The following AHRR variants were observed in gnomAD, a reference collection of about 807,000 sequenced individuals.
AHRR encodes the protein ahR repressor.
AHRR carries 28 observed loss-of-function variants against 44.0 expected under a neutral mutation model. That is an observed-to-expected ratio of 0.64 (90% confidence interval 0.47 to 0.87). The LOEUF (loss-of-function observed/expected upper bound fraction) is 0.87. AHRR is among the 40% of genes least tolerant of loss of function. The probability of loss-of-function intolerance (pLI) is 0.00; values close to 1 mark genes in which losing one functional copy is unlikely to be tolerated. For missense variants in AHRR, 990 were observed against 953.9 expected (o/e 1.04, Z -0.50); for synonymous variants, 434 against 407.0 (o/e 1.07, Z -0.80).
rs1736918792 is a variant in AHRR, at chr5:434,674, C to T, written c.1934C>T (p.Thr645Ile). The change falls in exon 11 of 11, where the codon ACC becomes ATC. Residue 645 changes from threonine to isoleucine, a missense_variant. By Grantham distance (89) the Thr-to-Ile change is moderately conservative. Transcript: ENST00000684583. ...CARGRGEQSC[T>I]CRAAEAAPVV... ...CGGGGCCGAGGTGAACAGTCCTGCA[C>T]CTGCAGAGCTGCTGAGGCCGCCCCT... The T allele has an allele frequency of 1.9e-6, 3 of 1,569,150 alleles. No homozygotes were observed. The highest frequency in any genetic ancestry group is 1.7e-4 in the Middle Eastern group (1 of 5,934).
chr5:363,568 C>T (rs1328740527), intron 3 of AHRR, among the ~76,000 whole-genome samples: 2 of 152,228 alleles, frequency 1.3e-5, no homozygotes, highest in African/African-American at 4.8e-5. Flanking sequence ...CTTTGATCCA[C>T]TGGGTTAGGG....
In AHRR at chr5:434,569, C is replaced by T. The variant is rs762549898; in HGVS notation, c.1829C>T (p.Pro610Leu). The stretch of plus-strand genomic sequence containing the variant: ...GCTGGGCGCAGCAGGGAGCTGACCC[C>T]TTTCCACCCTGCACACTGTGCCTGC... ...ATAGRSRELT[P>L]FHPAHCACLE... is the part of the protein sequence containing the mutation. The change falls in exon 11 of 11, where the codon CCT becomes CTT. Residue 610 changes from proline (P) to leucine (L), a missense_variant. By Grantham distance (98) the Pro-to-Leu change is moderately conservative. Transcript: ENST00000684583. 1.3e-5 allele frequency: 21 copies of T among 1,587,314 alleles called. No individual in the cohort carries two copies. The highest frequency in any genetic ancestry group is 7.2e-5 in the Admixed American group (4 of 55,866).
chr5:431,030 A>G (rs1736700538), intron 8 of AHRR, among the ~76,000 whole-genome samples: 1 of 152,222 alleles, frequency 6.6e-6, no homozygotes. Context: ...ACCCTGGAAC[A>G]CTGTCCTCCG....
intron 1 of AHRR, among the ~76,000 whole-genome samples, chr5:328,918 G>A (rs1229888998): frequency 6.6e-6 from 1 of 152,224 alleles, no homozygotes; most frequent in African/African-American, 2.4e-5. Context: ...AGTCTGTGGT[G>A]TAATTTGAAA....
At chr5:376,555 A>ACCGTGGGGTGCACGCGGG in intron 3 of AHRR, 55 bp from the exon 4 acceptor site, 1 of 1,428,922 alleles carries the variant, frequency 7.0e-7, no homozygotes, top group Non-Finnish European at 9.4e-7. Context: ...TGAATGAAGA[A>ACCGTGGGGTGCACGCGGG]GAGTGGCCAG....
At chr5:423,791 G>A (rs55932239) in intron 6 of AHRR, 50 bp from the exon 7 acceptor site, 544,114 of 1,549,434 alleles carry the variant, frequency 0.35, 104,957 homozygotes, top group Non-Finnish European at 0.4. Flanking sequence ...TGTGACACGT[G>A]TGTTTTGGCT....
intron 9 of AHRR, 40 bp downstream of exon 9, chr5:432,564 T>A: frequency 6.3e-7 from 1 of 1,598,818 alleles, no homozygotes; most frequent in Non-Finnish European, 8.6e-7. Context: ...TCCACATGGG[T>A]AAAATGTGTT....
intron 1 of AHRR, chr5:343,487 A>ACCCCACATACCT (rs1560883307): frequency 1.3e-5 from 3 of 227,092 alleles, no homozygotes; most frequent in African/African-American, 7.1e-5. Flanking sequence ...GGAACACGGG[A>ACCCCACATACCT]TCCCGCGTGA....
intron 4 of AHRR, among the ~76,000 whole-genome samples, chr5:392,406 C>T (rs1353166766): frequency 1.6e-5 from 2 of 127,818 alleles, no homozygotes; most frequent in South Asian, 2.6e-4. Context: ...TGAGGCAGGG[C>T]CAGAGCGTGC....
Position 343,486 on chromosome 5 carries a change from G to GACCCCGC in AHRR, c.-10-406_-10-405insCCCCGCA, listed in dbSNP as rs1560883302. 3.5e-5 allele frequency: 8 copies of GACCCCGC among 228,960 alleles called. 2 individuals carry two copies. Among genetic ancestry groups the GACCCCGC allele is most frequent in the African/African-American group, 1.9e-4 (8 of 42,384 alleles). The allele number at this position is 228,960 out of a possible 1,614,324, so 14.2% of individuals were successfully genotyped here. ...CTTCTCGGGGGTGACGGGAACACGG[G>GACCCCGC]ATCCCGCGTGACGAGTGTTTGGAGG... On this transcript the variant is annotated intron_variant, in intron 1 of 10. Coordinates refer to ENST00000684583, the MANE Select transcript of AHRR (RefSeq NM_001377236.1).
intron 3 of AHRR, among the ~76,000 whole-genome samples, chr5:373,551 CT>C (rs1261771354): frequency 2.0e-5 from 3 of 152,228 alleles, no homozygotes; most frequent in Non-Finnish European, 4.4e-5. Flanking sequence ...TCCCAGCTCC[CT>C]TCCTCCCCAT....
intron 2 of AHRR, among the ~76,000 whole-genome samples, chr5:349,472 C>T (rs1325679352): frequency 2.0e-5 from 3 of 151,510 alleles, no homozygotes; most frequent in Non-Finnish European, 2.9e-5. Context: ...CCCAGCTACT[C>T]GGGAGGCTGA....
At chr5:420,817 C>CCACGCAGCACACCCAGACCCACG (rs796227762) in intron 5 of AHRR, 1 of 100,368 alleles carries the variant, frequency 1.0e-5, no homozygotes, top group African/African-American at 6.7e-5. Context: ...AGCCACCCAC[C>CCACGCAGCACACCCAGACCCACG]CACGCAGCCA....
intron 4 of AHRR, among the ~76,000 whole-genome samples, chr5:381,354 C>T (rs1396039494): frequency 6.6e-6 from 1 of 152,132 alleles, no homozygotes; most frequent in Non-Finnish European, 1.5e-5. Context: ...TTTACTTTTT[C>T]AATCTATGTG....
intron 5 of AHRR, among the ~76,000 whole-genome samples, chr5:415,648 C>CCGAATCTGCCTGGTCGGGT (rs1560916386): frequency 9.5e-6 from 1 of 105,208 alleles, no homozygotes; most frequent in African/African-American, 3.4e-5. Context: ...CCTGGTGGGG[C>CCGAATCTGCCTGGTCGGGT]GGGAGGCCTA....
intron 8 of AHRR, among the ~76,000 whole-genome samples, chr5:429,561 C>A (rs1397494715): frequency 6.6e-6 from 1 of 152,236 alleles, no homozygotes; most frequent in African/African-American, 2.4e-5. Flanking sequence ...CTCCGAGACC[C>A]ACCCGACTTG....
intron 1 of AHRR, among the ~76,000 whole-genome samples, chr5:340,684 ATATATTTT>A (rs1355355251): frequency 3.8e-5 from 1 of 26,158 alleles, no homozygotes; most frequent in South Asian, 1.4e-3. Flanking sequence ...ATATATATAT[ATATATTTT>A]TTTTTTTTTT....
At chr5:421,045 G>C (rs1279995291) in intron 5 of AHRR, 6 of 517,672 alleles carry the variant, frequency 1.2e-5, no homozygotes. Flanking sequence ...AAGAAACGTG[G>C]CCTATCCACC....
intron 8 of AHRR, among the ~76,000 whole-genome samples, chr5:430,643 A>G (rs1392749471): frequency 6.6e-6 from 1 of 152,204 alleles, no homozygotes; most frequent in African/African-American, 2.4e-5. Context: ...AGACAGCTCT[A>G]CAGTCTGACA....
Sources: gnomAD v4.1 joint callset for allele counts (sites outside exome capture counted in the v4.1 genomes callset) on GRCh38, gnomAD v4.1.1 for gene constraint, MANE v1.5 for transcripts, NCBI Gene and HGNC (gene_info 2026-07-23, HGNC 2026-07-21) for gene names.